The following DOCK4 variants were observed in gnomAD, a reference collection of about 807,000 sequenced individuals.
DOCK4 encodes dedicator of cytokinesis protein 4.
Under a neutral mutation model 268.1 loss-of-function variants are expected in DOCK4, and 97 were observed. The observed-to-expected ratio is 0.36, with a 90% confidence interval of 0.31 to 0.43. The LOEUF (loss-of-function observed/expected upper bound fraction) is 0.43, where lower values mean the gene tolerates loss of function less well. Among genes scored for constraint, DOCK4 ranks in the 20% least tolerant of loss-of-function variants. The pLI, the probability that DOCK4 is intolerant of heterozygous loss-of-function variation, is 1.00. For missense variants in DOCK4, 2,145 were observed against 2,455.7 expected, an observed-to-expected ratio of 0.87 and a Z score of 2.67; for synonymous variants, 954 against 887.2, an observed-to-expected ratio of 1.08 and a Z score of -1.34.
At chr7:111,944,061 C>A (rs762471578) in intron 10 of DOCK4, among the ~76,000 whole-genome samples, 47 of 152,172 alleles carry the variant, frequency 3.1e-4, no homozygotes, top group Admixed American at 5.2e-4. Flanking sequence ...CACCAGTCCT[C>A]ATTTCACCTA....
At chr7:112,043,814 TC>T (rs1392755799) in intron 1 of DOCK4, among the ~76,000 whole-genome samples, 1 of 151,994 alleles carries the variant, frequency 6.6e-6, no homozygotes, top group Non-Finnish European at 1.5e-5. Context: ...GCTCATGGCT[TC>T]CACTCTGAAA....
At chr7:112,003,050 CA>C (rs60702171) in intron 2 of DOCK4, among the ~76,000 whole-genome samples, 199 of 75,022 alleles carry the variant, frequency 2.7e-3, no homozygotes, top group Middle Eastern at 9.1e-3. Context: ...GACTCCATCT[CA>C]AAAAAAAAAA....
rs563552289 is a variant in DOCK4, at chr7:111,795,084, T to C, written c.3167-4479A>G. On this transcript the variant is annotated intron_variant, in intron 30 of 52. Coordinates refer to ENST00000428084, the MANE Select transcript of DOCK4 (RefSeq NM_001363540.2). ...ACATGTGTCATTTGTCCCATATTAA[T>C]CCATCATTCCATGTGGTTGGGATGG... 2.4e-4 allele frequency among the ~76,000 whole-genome samples: 36 copies of C among 152,194 alleles called. 1 individual carries two copies. The South Asian group carries it at 6.4e-3, about 27-fold the overall frequency.
At chr7:112,142,300 T>C (rs966982865) in intron 1 of DOCK4, among the ~76,000 whole-genome samples, 7 of 152,192 alleles carry the variant, frequency 4.6e-5, no homozygotes, top group Non-Finnish European at 1.5e-5. Flanking sequence ...AGGATCATTA[T>C]TGAAGAGTTT....
chr7:111,746,427 GA>G lies in DOCK4; in HGVS notation c.4594-11del, dbSNP rs1473888273. On this transcript the variant is annotated splice_polypyrimidine_tract_variant and intron_variant, in intron 43 of 52. Transcript: ENST00000428084. ...CTTTGACAAAGAATGCCTAGTAAGG[GA>G]AAGGAGAATCAGTCTACTTTAGTGG... 1.3e-6 allele frequency: 2 copies of G among 1,594,534 alleles called. No homozygotes were observed. The highest frequency in any genetic ancestry group is 3.4e-5 in the Admixed American group (2 of 58,522).
At chr7:112,173,855 A>G (rs1231502744) in intron 1 of DOCK4, among the ~76,000 whole-genome samples, 1 of 152,080 alleles carries the variant, frequency 6.6e-6, no homozygotes, top group Non-Finnish European at 1.5e-5. Context: ...ACCAAAATAC[A>G]TAAGAGAGCA....
chr7:111,955,103 T>C (rs1303751401), intron 8 of DOCK4, among the ~76,000 whole-genome samples: 1 of 152,222 alleles, frequency 6.6e-6, no homozygotes, highest in Non-Finnish European at 1.5e-5. Context: ...CCTGGTATCT[T>C]AGGGTCGAAG....
rs747057134 is a variant in DOCK4 at position 111,877,147 on chromosome 7, G to A, written c.1627C>T (p.Leu543Phe). Residue 543 changes from leucine to phenylalanine, a missense_variant, in exon 17 of 53, where the codon CTC becomes TTC. Leu to Phe is a conservative substitution (Grantham distance 22). Coordinates refer to ENST00000428084, the MANE Select transcript of DOCK4 (RefSeq NM_001363540.2). ...NTNLQDTTRY[L>F]KLPFSKGIFL... ...ATGCCCTTGGAAAAGGGAAGTTTGA[G>A]GTAGCGGGTAGTATCCTGAAGATTT... The A allele has an allele frequency of 4.3e-4, 675 of 1,576,386 alleles. No individual in the cohort carries two copies. The highest frequency in any genetic ancestry group is 5.6e-4 in the Non-Finnish European group (650 of 1,162,220).
Position 111,847,089 on chromosome 7 carries a change from G to A in DOCK4, c.2511C>T (p.His837=). ...TCTGTTCTTGCAAGTGAATGTGGAG[G>A]TGATGTAACACGACAGGCAGAAGAA... ...RYILLPVVLH[H]LHIHLQEQKD... Residue 837 remains histidine, a synonymous_variant, in exon 24 of 53, where the codon CAC becomes CAT. Coordinates refer to ENST00000428084, the MANE Select transcript of DOCK4 (RefSeq NM_001363540.2). The A allele has an allele frequency of 6.2e-7, 1 of 1,613,842 alleles. No homozygotes were observed. Among genetic ancestry groups the A allele is most frequent in the Non-Finnish European group, 8.5e-7 (1 of 1,179,778 alleles).
At position 111,749,753 on chromosome 7, in the gene DOCK4, A is replaced by G. The variant is rs192409988; in HGVS notation, c.4417-2310T>C. Reference sequence around the variant, plus strand: ...CATATCTTCACTTAGCATTCAAAAAATGCTGAAACAAAACATCCAACCCCA... The same window carrying G: ...CATATCTTCACTTAGCATTCAAAAAGTGCTGAAACAAAACATCCAACCCCA... On this transcript the variant is annotated intron_variant, in intron 42 of 52. Coordinates refer to ENST00000428084, the MANE Select transcript of DOCK4 (RefSeq NM_001363540.2). Among the ~76,000 whole-genome samples, 734 of 152,366 alleles carry G rather than the reference A, an allele frequency of 4.8e-3. 5 individuals are homozygous for G. The highest frequency in any genetic ancestry group is 7.5e-3 in the Non-Finnish European group (511 of 68,026).
intron 8 of DOCK4, among the ~76,000 whole-genome samples, chr7:111,963,046 G>A (rs141057557): frequency 7.9e-5 from 12 of 152,268 alleles, no homozygotes; most frequent in African/African-American, 2.2e-4. Context: ...AATGCAATAC[G>A]TTAATAGATT....
At chr7:111,780,881 G>A (rs1453810394) in intron 35 of DOCK4, among the ~76,000 whole-genome samples, 1 of 152,040 alleles carries the variant, frequency 6.6e-6, no homozygotes, top group Non-Finnish European at 1.5e-5. Context: ...TCTTGTGCTA[G>A]TTTGAAATAA....
intron 20 of DOCK4, among the ~76,000 whole-genome samples, chr7:111,870,408 C>T (rs1427296307): frequency 6.6e-6 from 1 of 150,956 alleles, no homozygotes; most frequent in Non-Finnish European, 1.5e-5. Context: ...ACCTCTGCCG[C>T]CCTCCTGGGT....
intron 1 of DOCK4, among the ~76,000 whole-genome samples, chr7:112,203,826 TACACACACACACAC>T (rs3056587): frequency 3.3e-4 from 49 of 146,988 alleles, no homozygotes; most frequent in Middle Eastern, 3.5e-3. Context: ...AAAATTTCAC[TACACACACACACAC>T]ACACACACAC....
chr7:112,203,924 AT>A (rs1357269592), intron 1 of DOCK4, among the ~76,000 whole-genome samples: 3 of 152,250 alleles, frequency 2.0e-5, no homozygotes, highest in African/African-American at 7.2e-5. Flanking sequence ...ATGCTCAAAA[AT>A]TAATAATAAA....
At chr7:111,901,561 T>C in intron 14 of DOCK4, 116 bp downstream of exon 14, 2 of 1,053,154 alleles carry the variant, frequency 1.9e-6, no homozygotes, top group Non-Finnish European at 2.6e-6. Context: ...AGATAGAAAA[T>C]AACGCAAATC....
At chr7:111,933,026 A>G (rs1794324545) in intron 12 of DOCK4, among the ~76,000 whole-genome samples, 1 of 151,080 alleles carries the variant, frequency 6.6e-6, no homozygotes, top group Admixed American at 6.6e-5. Flanking sequence ...AAATTAAACC[A>G]TTTTATCCAT....
intron 1 of DOCK4, among the ~76,000 whole-genome samples, chr7:112,009,642 G>A (rs1358611236): frequency 1.3e-5 from 2 of 152,060 alleles, no homozygotes; most frequent in South Asian, 2.1e-4. Context: ...TTTCACATTC[G>A]GCTCTGGCGT....
chr7:112,149,512 TAA>T (rs539892375), intron 1 of DOCK4, among the ~76,000 whole-genome samples: 39 of 146,808 alleles, frequency 2.7e-4, no homozygotes, highest in African/African-American at 7.8e-4. Context: ...TAAAGAGGTT[TAA>T]AAAAAAAAGG....
Sources: gnomAD v4.1 joint callset for allele counts (sites outside exome capture counted in the v4.1 genomes callset) on GRCh38, gnomAD v4.1.1 for gene constraint, MANE v1.5 for transcripts, NCBI Gene and HGNC (gene_info 2026-07-23, HGNC 2026-07-21) for gene names.